ZNF536: variants seen among roughly 807,000 people sequenced by gnomAD.
ZNF536 encodes the protein zinc finger protein 536.
In ZNF536, 13 loss-of-function variants were observed where a neutral mutation model predicts 84.5. That is an observed-to-expected ratio of 0.15 (90% CI 0.10 to 0.24). The LOEUF is 0.24. ZNF536 is among the 10% of genes least tolerant of loss of function. The pLI is 1.00. For missense variants in ZNF536, 1,536 were observed against 1,747.5 expected, an observed-to-expected ratio of 0.88 and a Z score of 2.16; for synonymous variants, 811 against 742.5, an observed-to-expected ratio of 1.09 and a Z score of -1.50.
chr19:30,528,649 G>C (rs1478773889), intron 2 of ZNF536, among the ~76,000 whole-genome samples: 2 of 152,116 alleles, frequency 1.3e-5, no homozygotes, highest in African/African-American at 4.8e-5. Flanking sequence ...TTGTGATTCT[G>C]TTGTCTCAAC....
At chr19:30,586,439 G>T (rs577057241) in intron 1 of ZNF536, among the ~76,000 whole-genome samples, 28 of 152,346 alleles carry the variant, frequency 1.8e-4, no homozygotes, top group Non-Finnish European at 4.4e-5. Flanking sequence ...TCAGAATCAG[G>T]TGGACAAATG....
intron 2 of ZNF536, among the ~76,000 whole-genome samples, chr19:30,488,144 A>G (rs988770195): frequency 6.6e-6 from 1 of 152,090 alleles, no homozygotes; most frequent in Non-Finnish European, 1.5e-5. Context: ...CTACTTACAG[A>G]TTTCCCTCCC....
chr19:30,500,607 C>T (rs891921969), intron 2 of ZNF536, among the ~76,000 whole-genome samples: 2 of 126,178 alleles, frequency 1.6e-5, no homozygotes, highest in African/African-American at 7.1e-5. Context: ...CTCTCAGCAG[C>T]ATGCTGTGGG....
chr19:30,468,131 C>A (rs916504726), intron 2 of ZNF536, among the ~76,000 whole-genome samples: 2 of 152,232 alleles, frequency 1.3e-5, no homozygotes, highest in African/African-American at 4.8e-5. Context: ...TTCCAGAAAA[C>A]AACCCCTGTG....
chr19:30,500,392 G>T (rs2145296192), intron 2 of ZNF536, among the ~76,000 whole-genome samples: 1 of 152,330 alleles, frequency 6.6e-6, no homozygotes, highest in African/African-American at 2.4e-5. Flanking sequence ...GCTCACTCCT[G>T]GTTCTAGAAT....
intron 1 of ZNF536, among the ~76,000 whole-genome samples, chr19:30,425,021 G>T (rs2051150560): frequency 6.6e-6 from 1 of 152,094 alleles, no homozygotes; most frequent in African/African-American, 2.4e-5. Flanking sequence ...AATGAGTTTG[G>T]TAGAAGAAAA....
chr19:30,226,614 G>A (rs1599795192), upstream of ZNF536, among the ~76,000 whole-genome samples: 1 of 152,100 alleles, frequency 6.6e-6, no homozygotes, highest in South Asian at 2.1e-4. This position sits in a 1 kb window ranked among gnomAD's most constrained non-coding sequence, Gnocchi z 4.6. Context: ...CGCAGGCGGC[G>A]CCCGCAGCAC....
intron 3 of ZNF536, among the ~76,000 whole-genome samples, chr19:30,352,960 G>A (rs2047980248): frequency 6.6e-6 from 1 of 152,186 alleles, no homozygotes; most frequent in South Asian, 2.1e-4. Flanking sequence ...TTTTCTGAAA[G>A]CCCAAGCTGA....
At chr19:30,364,807 A>T (rs1422468862) in intron 3 of ZNF536, among the ~76,000 whole-genome samples, 1 of 152,200 alleles carries the variant, frequency 6.6e-6, no homozygotes, top group Non-Finnish European at 1.5e-5. Context: ...TCAGGGTCAT[A>T]TGCGTTTTTC....
chr19:30,688,875 G>T (rs573921447), intron 1 of ZNF536, among the ~76,000 whole-genome samples: 1 of 152,184 alleles, frequency 6.6e-6, no homozygotes, highest in Non-Finnish European at 1.5e-5. Flanking sequence ...TCCTGGTAGC[G>T]CTCTGGGCTG....
chr19:30,638,352 A>C (rs930218368), intron 1 of ZNF536, among the ~76,000 whole-genome samples: 5 of 152,186 alleles, frequency 3.3e-5, no homozygotes, highest in African/African-American at 9.7e-5. Context: ...GAATTGGCTC[A>C]CAGTCCTGTA....
intron 2 of ZNF536, among the ~76,000 whole-genome samples, chr19:30,502,669 A>G (rs1450131750): frequency 6.6e-6 from 1 of 152,166 alleles, no homozygotes; most frequent in Non-Finnish European, 1.5e-5. Flanking sequence ...GAAAAAGGAC[A>G]AAAGTCCTGA....
At chr19:30,615,484 T>C (rs10407125) in intron 1 of ZNF536, among the ~76,000 whole-genome samples, 50 of 152,328 alleles carry the variant, frequency 3.3e-4, no homozygotes, top group Middle Eastern at 6.8e-3. Context: ...TCAATTGACA[T>C]GTCTGCTTTT....
chr19:30,572,692 C>A (rs1187447336), intron 1 of ZNF536, among the ~76,000 whole-genome samples: 1 of 152,052 alleles, frequency 6.6e-6, no homozygotes, highest in Non-Finnish European at 1.5e-5. Context: ...GGGACACTGA[C>A]AAACAAACAA....
chr19:30,346,230 A>G (rs898506233), intron 2 of ZNF536, among the ~76,000 whole-genome samples: 1 of 152,212 alleles, frequency 6.6e-6, no homozygotes, highest in African/African-American at 2.4e-5. Flanking sequence ...CTGTGCTATT[A>G]TCAGCTCATA....
intron 1 of ZNF536, among the ~76,000 whole-genome samples, chr19:30,376,217 ACCTTGGCATCCCCTCTCCCCCAAT>A (rs1395545514): frequency 2.0e-5 from 3 of 151,920 alleles, no homozygotes; most frequent in Non-Finnish European, 4.4e-5. Flanking sequence ...CCTGGTCCAT[ACCTTGGCATCCCCTCTCCCCCAAT>A]CCCTATACAC....
At chr19:30,570,200 C>G (rs1411605277) in intron 1 of ZNF536, among the ~76,000 whole-genome samples, 1 of 152,218 alleles carries the variant, frequency 6.6e-6, no homozygotes, top group African/African-American at 2.4e-5. Context: ...GTGGCGTGCC[C>G]TGCCATGCAG....
At chr19:30,264,656 G>GAC (rs1423294321) in intron 1 of ZNF536, among the ~76,000 whole-genome samples, 1 of 151,842 alleles carries the variant, frequency 6.6e-6, no homozygotes, top group Non-Finnish European at 1.5e-5. Context: ...GAGACAGACA[G>GAC]ACACACACAC....
intron 2 of ZNF536, among the ~76,000 whole-genome samples, chr19:30,507,118 T>A (rs1385019882): frequency 6.6e-6 from 1 of 152,184 alleles, no homozygotes; most frequent in Non-Finnish European, 1.5e-5. Context: ...TCCCAGCACT[T>A]CAGGAGGTGG....
Sources: gnomAD v4.1 joint callset for allele counts (sites outside exome capture counted in the v4.1 genomes callset) on GRCh38, gnomAD v4.1.1 for gene constraint, Gnocchi (gnomAD v3.1) non-coding constraint, MANE v1.5 for transcripts, NCBI Gene and HGNC (gene_info 2026-07-23, HGNC 2026-07-21) for gene names.